The following FOCAD variants were observed in gnomAD, a reference collection of about 807,000 sequenced individuals.
FOCAD encodes focadhesin.
Under a neutral mutation model 225.6 loss-of-function variants are expected in FOCAD, and 198 were observed. That is an observed-to-expected ratio of 0.88 (90% CI 0.78 to 0.99). The LOEUF (loss-of-function observed/expected upper bound fraction) is 0.99, where lower values mean the gene tolerates loss of function less well. FOCAD is among the 50% of genes least tolerant of loss of function. The probability of loss-of-function intolerance (pLI) is 0.00; values close to 1 mark genes in which losing one functional copy is unlikely to be tolerated. For synonymous variants in FOCAD, 897 were observed against 755.0 expected (o/e 1.19, Z -3.08); for missense variants, 2,713 against 2,123.6 (o/e 1.28, Z -5.46).
intron 21 of FOCAD, among the ~76,000 whole-genome samples, chr9:20,888,412 C>T (rs1298397764): frequency 6.6e-6 from 1 of 152,134 alleles, no homozygotes; most frequent in Non-Finnish European, 1.5e-5. Context: ...GCTGGAATTA[C>T]AGGCGTGAGC....
At chr9:20,671,409 C>G (rs1003876347) in intron 2 of FOCAD, among the ~76,000 whole-genome samples, 3 of 152,090 alleles carry the variant, frequency 2.0e-5, no homozygotes, top group African/African-American at 7.2e-5. Flanking sequence ...TTCTAAAATC[C>G]TTAAGCTTGA....
chr9:20,823,840 A>G (rs575145407), intron 15 of FOCAD, among the ~76,000 whole-genome samples: 1 of 152,242 alleles, frequency 6.6e-6, no homozygotes, highest in African/African-American at 2.4e-5. Context: ...ATCTGATAAT[A>G]TAAGTGACAG....
At chr9:20,845,137 C>T (rs977221860) in intron 15 of FOCAD, among the ~76,000 whole-genome samples, 25 of 152,004 alleles carry the variant, frequency 1.6e-4, no homozygotes, top group African/African-American at 5.6e-4. Context: ...CAATCCCTCC[C>T]TCACTGACTC....
chr9:20,838,512 G>T (rs1285953441), intron 15 of FOCAD, among the ~76,000 whole-genome samples: 1 of 152,040 alleles, frequency 6.6e-6, no homozygotes, highest in African/African-American at 2.4e-5. Context: ...ATCTGAAATG[G>T]TAGAATAACA....
At chr9:20,818,343 A>G (rs531897322) in intron 11 of FOCAD, among the ~76,000 whole-genome samples, 6 of 151,878 alleles carry the variant, frequency 4.0e-5, no homozygotes, top group African/African-American at 1.4e-4. Context: ...CACTTTCTTT[A>G]TGGTATCTTT....
intron 18 of FOCAD, chr9:20,873,937 A>T (rs562519313): frequency 6.6e-6 from 1 of 152,328 alleles, no homozygotes; most frequent in South Asian, 2.1e-4. Flanking sequence ...CCATGTGGAC[A>T]TTATGATAGA....
intron 4 of FOCAD, among the ~76,000 whole-genome samples, chr9:20,732,777 G>C (rs142178514): frequency 0.013 from 1,906 of 152,084 alleles, 35 homozygotes; most frequent in African/African-American, 0.043. Flanking sequence ...GGAAGTAGAG[G>C]GATTTGTGAG....
chr9:20,809,752 G>A (rs1324532427), intron 11 of FOCAD, among the ~76,000 whole-genome samples: 3 of 152,116 alleles, frequency 2.0e-5, no homozygotes, highest in Non-Finnish European at 2.9e-5. Context: ...CACTTGAGAT[G>A]GGGGACTGTC....
chr9:20,983,108 T>C (rs1840846417), intron 39 of FOCAD, among the ~76,000 whole-genome samples: 1 of 152,176 alleles, frequency 6.6e-6, no homozygotes, highest in Non-Finnish European at 1.5e-5. Flanking sequence ...CAGAATGTGG[T>C]CTTTGCATAA....
intron 35 of FOCAD, among the ~76,000 whole-genome samples, chr9:20,969,244 G>A (rs1483376265): frequency 5.3e-5 from 8 of 151,976 alleles, no homozygotes; most frequent in Admixed American, 3.9e-4. Flanking sequence ...GTATTCTGAT[G>A]GTGTTGAGTG....
intron 1 of FOCAD, among the ~76,000 whole-genome samples, chr9:20,686,732 A>G (rs1361867150): frequency 2.6e-5 from 4 of 152,168 alleles, no homozygotes; most frequent in Non-Finnish European, 5.9e-5. Context: ...CTAGAGATGC[A>G]TGGTATAATA....
chr9:20,716,313 G>A (rs963186077), intron 2 of FOCAD: 17 of 209,798 alleles, frequency 8.1e-5, no homozygotes, highest in Admixed American at 1.4e-4. Context: ...ATGCCCATAC[G>A]TGTTACTGTT....
In FOCAD at chr9:20,728,268, T is replaced by G. The variant is rs570680878; in HGVS notation, c.287+7734T>G. Reference sequence around the variant, plus strand: ...TTCAGATTTTATGTTTTTTGGATTTTGGGATATTTGCATATATATAAAGAG... The same window carrying G: ...TTCAGATTTTATGTTTTTTGGATTTGGGGATATTTGCATATATATAAAGAG... On this transcript the variant is annotated intron_variant, in intron 4 of 43. Coordinates refer to ENST00000338382, the MANE Select transcript of FOCAD (RefSeq NM_001375567.1). Among the ~76,000 whole-genome samples the G allele has an allele frequency of 7.6e-4, 115 of 152,310 alleles. 1 individual carries two copies. The highest frequency in any genetic ancestry group is 1.4e-3 in the Non-Finnish European group (97 of 68,022).
intron 35 of FOCAD, among the ~76,000 whole-genome samples, chr9:20,967,582 A>G (rs890476458): frequency 2.0e-5 from 3 of 152,136 alleles, no homozygotes; most frequent in Non-Finnish European, 4.4e-5. Flanking sequence ...TCTTGATTGT[A>G]GAGAAAAAGC....
intron 21 of FOCAD, among the ~76,000 whole-genome samples, chr9:20,898,721 G>T (rs1474689012): frequency 6.6e-6 from 1 of 151,676 alleles, no homozygotes; most frequent in Non-Finnish European, 1.5e-5. Flanking sequence ...ATCCTTACTT[G>T]GTTCTGATAT....
At chr9:20,899,760 T>C (rs1832407232) in intron 21 of FOCAD, among the ~76,000 whole-genome samples, 1 of 151,946 alleles carries the variant, frequency 6.6e-6, no homozygotes, top group Admixed American at 6.6e-5. Context: ...CCTTGGAAAG[T>C]ATTATATCCT....
At chr9:20,827,986 A>T (rs1825083123) in intron 15 of FOCAD, among the ~76,000 whole-genome samples, 1 of 152,010 alleles carries the variant, frequency 6.6e-6, no homozygotes, top group South Asian at 2.1e-4. Flanking sequence ...TAGCCTGGGA[A>T]TCATGGCAAA....
At chr9:20,973,634 G>A (rs1587756907) in intron 35 of FOCAD, among the ~76,000 whole-genome samples, 2 of 148,252 alleles carry the variant, frequency 1.3e-5, no homozygotes, top group Admixed American at 1.4e-4. Flanking sequence ...TGCTAATTTG[G>A]CCTCTGCTTC....
chr9:20,825,016 A>C (rs1824721824), intron 15 of FOCAD, among the ~76,000 whole-genome samples: 2 of 151,932 alleles, frequency 1.3e-5, no homozygotes, highest in South Asian at 2.1e-4. Context: ...AATTTTGGTG[A>C]TAATTTTTTT....
Sources: gnomAD v4.1 joint callset for allele counts (sites outside exome capture counted in the v4.1 genomes callset) on GRCh38, gnomAD v4.1.1 for gene constraint, MANE v1.5 for transcripts, NCBI Gene and HGNC (gene_info 2026-07-23, HGNC 2026-07-21) for gene names.